Variants in KDM4C observed in about 807,000 individuals in gnomAD.
KDM4C encodes the protein lysine-specific demethylase 4C.
In KDM4C, 81 loss-of-function variants were observed where a neutral mutation model predicts 129.3. The ratio of observed to expected loss-of-function variants is 0.63; its 90% CI spans 0.52 to 0.75. The LOEUF is 0.75. Among genes scored for constraint, KDM4C ranks in the 30% least tolerant of loss-of-function variants. The probability of loss-of-function intolerance (pLI) is 0.00; values close to 1 mark genes in which losing one functional copy is unlikely to be tolerated. For missense variants in KDM4C, 1,457 were observed against 1,304.0 expected (o/e 1.12, Z -1.81); for synonymous variants, 573 against 456.1 (o/e 1.26, Z -3.26).
At chr9:6,951,328 T>G (rs1803931042) in intron 8 of KDM4C, among the ~76,000 whole-genome samples, 1 of 152,208 alleles carries the variant, frequency 6.6e-6, no homozygotes, top group African/African-American at 2.4e-5. Flanking sequence ...CCTTATATGC[T>G]TTTGAGTTAT....
At chr9:7,052,644 G>C (rs1830303615) in intron 17 of KDM4C, among the ~76,000 whole-genome samples, 2 of 152,188 alleles carry the variant, frequency 1.3e-5, no homozygotes. Flanking sequence ...TATGAAACAT[G>C]CATGCAGTAC....
chr9:6,985,656 A>G (rs1817560858), intron 10 of KDM4C, among the ~76,000 whole-genome samples: 1 of 152,192 alleles, frequency 6.6e-6, no homozygotes, highest in Non-Finnish European at 1.5e-5. Flanking sequence ...GTTAGGCAAT[A>G]CATATGGATA....
At chr9:7,053,907 G>A (rs973355801) in intron 17 of KDM4C, among the ~76,000 whole-genome samples, 4 of 152,316 alleles carry the variant, frequency 2.6e-5, no homozygotes, top group Admixed American at 6.5e-5. Flanking sequence ...AGCTGAATGG[G>A]CTAAAGACTT....
chr9:7,037,793 C>T (rs1827905275), intron 15 of KDM4C, among the ~76,000 whole-genome samples: 1 of 152,062 alleles, frequency 6.6e-6, no homozygotes, highest in Non-Finnish European at 1.5e-5. Flanking sequence ...ACAGAAATAA[C>T]AGCTGCCTTA....
intron 19 of KDM4C, among the ~76,000 whole-genome samples, chr9:7,128,656 T>G (rs1192322826): frequency 6.6e-6 from 1 of 151,784 alleles, no homozygotes; most frequent in Non-Finnish European, 1.5e-5. Context: ...TTGATTAATC[T>G]GACTCGACAG....
intron 4 of KDM4C, chr9:6,835,689 T>A (rs1835757805): frequency 1.4e-6 from 1 of 700,600 alleles, no homozygotes; most frequent in Non-Finnish European, 2.6e-6. Context: ...TTTTTGTTTT[T>A]GTTTTTGTTT....
intron 5 of KDM4C, among the ~76,000 whole-genome samples, chr9:6,869,871 G>A (rs887384275): frequency 1.3e-5 from 2 of 152,212 alleles, no homozygotes; most frequent in African/African-American, 2.4e-5. Flanking sequence ...AATTAAGTAT[G>A]CAATGTTCTA....
chr9:6,754,247 T>C (rs1818169661), upstream of KDM4C, among the ~76,000 whole-genome samples: 2 of 151,160 alleles, frequency 1.3e-5, no homozygotes, highest in South Asian at 4.2e-4. Context: ...AGTTTTGCTC[T>C]TGTCATCGAG....
intron 8 of KDM4C, among the ~76,000 whole-genome samples, chr9:6,944,901 A>C (rs1212474150): frequency 2.6e-5 from 4 of 152,198 alleles, no homozygotes; most frequent in Admixed American, 1.3e-4. Context: ...TGTAATTAGC[A>C]AAAACATGGG....
intron 19 of KDM4C, among the ~76,000 whole-genome samples, chr9:7,162,474 C>G (rs914963522): frequency 6.6e-6 from 1 of 152,170 alleles, no homozygotes; most frequent in Non-Finnish European, 1.5e-5. Flanking sequence ...ATCTAACTAT[C>G]TCAGGCATTG....
At chr9:6,760,848 A>C (rs1472131195) in intron 1 of KDM4C, among the ~76,000 whole-genome samples, 2 of 151,890 alleles carry the variant, frequency 1.3e-5, no homozygotes, top group African/African-American at 4.8e-5. Context: ...CTGGGATTAC[A>C]GGCGTGAGCC....
At position 6,732,364 on chromosome 9, in the gene KDM4C, CAAAAAAAAAAAAAAAAAA is replaced by C. The variant is rs66904997; in HGVS notation, c.49+11387_49+11404del. On this transcript the variant is annotated intron_variant, in intron 1 of 17. Transcript: ENST00000536108. Reference sequence around the variant, plus strand: ...TGGGTGACAGAGCAAGACTCTGTCTCAAAAAAAAAAAAAAAAAAAAAAAAAAAAAAAAAAAAAGAATGA... The same window carrying C: ...TGGGTGACAGAGCAAGACTCTGTCTCAAAAAAAAAAAAAAAAAAAGAATGA... Among the ~76,000 whole-genome samples, 21 of 29,998 alleles carry C rather than the reference CAAAAAAAAAAAAAAAAAA, an allele frequency of 7.0e-4. No homozygotes were observed. The South Asian group carries it at 8.2e-3, about 12-fold the overall frequency. The allele number at this position is 29,998 out of a possible 152,430, so 19.7% of individuals were successfully genotyped here. A position where few individuals can be genotyped will look rare whatever the true frequency, so the allele number is the denominator to read the frequency against.
intron 8 of KDM4C, among the ~76,000 whole-genome samples, chr9:6,898,640 G>A (rs995059548): frequency 2.0e-5 from 3 of 152,132 alleles, no homozygotes; most frequent in African/African-American, 4.8e-5. Context: ...AAAAAGAGAT[G>A]ATAGAATTTT....
chr9:7,000,866 G>A (rs1481597612), intron 12 of KDM4C, among the ~76,000 whole-genome samples: 1 of 152,154 alleles, frequency 6.6e-6, no homozygotes, highest in African/African-American at 2.4e-5. Context: ...CTCTGAAGAT[G>A]TAGAATCAGC....
intron 8 of KDM4C, among the ~76,000 whole-genome samples, chr9:6,951,112 A>G (rs151021880): frequency 0.012 from 1,752 of 152,318 alleles, 28 homozygotes; most frequent in African/African-American, 0.038. Context: ...CATACAATTT[A>G]TAGTGATCAG....
intron 17 of KDM4C, among the ~76,000 whole-genome samples, chr9:7,063,338 C>T (rs745838804): frequency 5.3e-5 from 8 of 152,164 alleles, no homozygotes; most frequent in Non-Finnish European, 8.8e-5. Context: ...AAGATACCAG[C>T]TTGACTGTGA....
chr9:7,129,209 A>G (rs1434105583), intron 19 of KDM4C, among the ~76,000 whole-genome samples: 1 of 152,196 alleles, frequency 6.6e-6, no homozygotes, highest in African/African-American at 2.4e-5. Context: ...TATTATGTGC[A>G]CTTGAAAATT....
rs573328498 is a variant in KDM4C at position 7,169,662 on chromosome 9, C to G, written c.2902-136C>G. On this transcript the variant is annotated intron_variant, in intron 20 of 21. Transcript: ENST00000381309. ...TTAATAAGGGAAATAACTCTTCTTA[C>G]TTCCTTGGTTGTTGGCTGGTTCCCT... 34 of 674,040 alleles carry G rather than the reference C, an allele frequency of 5.0e-5. No individual in the cohort carries two copies. In the African/African-American group the frequency reaches 5.6e-4, roughly 11 times the overall value. The allele number at this position is 674,040 out of a possible 1,614,324, so 41.8% of individuals were successfully genotyped here.
chr9:7,170,989 C>T (rs1291801759), intron 21 of KDM4C: 6 of 165,278 alleles, frequency 3.6e-5, no homozygotes, highest in South Asian at 2.0e-4. Context: ...TGTGTTTGGC[C>T]GCGTTAAAGC....
Sources: allele counts gnomAD v4.1 joint callset (sites outside exome capture counted in the v4.1 genomes callset), GRCh38; gene constraint gnomAD v4.1.1; transcripts MANE v1.5; gene names NCBI Gene and HGNC (gene_info 2026-07-23, HGNC 2026-07-21).